Variants in PAWR observed in about 807,000 individuals in gnomAD.
PAWR encodes pro-apoptotic WT1 regulator.
Under a neutral mutation model 32.0 loss-of-function variants are expected in PAWR, and 23 were observed. The ratio of observed to expected loss-of-function variants is 0.72; its 90% CI spans 0.52 to 1.02. The LOEUF (loss-of-function observed/expected upper bound fraction) is 1.02, where lower values mean the gene tolerates loss of function less well. Ranked by LOEUF, PAWR falls within the 50% of genes least tolerant of loss-of-function variation. The pLI is 0.00. For missense variants in PAWR, 457 were observed against 437.7 expected, an observed-to-expected ratio of 1.04 and a Z score of -0.39; for synonymous variants, 226 against 187.1, an observed-to-expected ratio of 1.21 and a Z score of -1.70.
intron 2 of PAWR, among the ~76,000 whole-genome samples, chr12:79,683,250 C>G (rs1307926329): frequency 6.6e-6 from 1 of 152,108 alleles, no homozygotes; most frequent in East Asian, 1.9e-4. Flanking sequence ...GGAAATTAAC[C>G]TATACAGTAA....
chr12:79,652,957 T>C (rs1429662802), intron 2 of PAWR, among the ~76,000 whole-genome samples: 2 of 152,246 alleles, frequency 1.3e-5, no homozygotes, highest in African/African-American at 2.4e-5. Context: ...CAACAAAGTA[T>C]TTGAAATCAC....
intron 2 of PAWR, among the ~76,000 whole-genome samples, chr12:79,655,346 G>A (rs560452448): frequency 6.6e-6 from 1 of 152,192 alleles, no homozygotes; most frequent in Non-Finnish European, 1.5e-5. Context: ...ATGTGTGAAA[G>A]CAGCTCAAAA....
chr12:79,685,635 T>C (rs1303126534), intron 2 of PAWR, among the ~76,000 whole-genome samples: 2 of 152,178 alleles, frequency 1.3e-5, no homozygotes, highest in African/African-American at 4.8e-5. Flanking sequence ...AAAATAAATT[T>C]ACGTTTTGCC....
intron 2 of PAWR, among the ~76,000 whole-genome samples, chr12:79,673,278 C>T (rs574570704): frequency 2.0e-4 from 31 of 151,998 alleles, no homozygotes; most frequent in Non-Finnish European, 2.4e-4. Context: ...ACCGTGTTAG[C>T]CAGGATGGTC....
intron 2 of PAWR, chr12:79,635,422 A>G (rs938581644): frequency 3.3e-5 from 5 of 152,128 alleles, no homozygotes; most frequent in Non-Finnish European, 5.9e-5. Flanking sequence ...TGCTACCCAC[A>G]TTGCAATTTG....
chr12:79,667,299 G>A (rs140922664), intron 2 of PAWR, among the ~76,000 whole-genome samples: 1 of 151,934 alleles, frequency 6.6e-6, no homozygotes, highest in Non-Finnish European at 1.5e-5. Context: ...TTACTCCTTC[G>A]GATGGAAGTA....
rs755937992 is a variant in PAWR at position 79,632,361 on chromosome 12, AT to A, written c.517-11155del. Among the ~76,000 whole-genome samples, 92 of 20,590 alleles carry A rather than the reference AT, an allele frequency of 4.5e-3. 1 individual carries two copies. The highest frequency in any genetic ancestry group is 5.7e-3 in the Non-Finnish European group (74 of 12,946). 13.5% of individuals were successfully genotyped at this position (20,590 alleles called of 152,430 possible). A position where few individuals can be genotyped will look rare whatever the true frequency, so the allele number is the denominator to read the frequency against. On this transcript the variant is annotated intron_variant, in intron 2 of 6. Coordinates refer to ENST00000328827, the MANE Select transcript of PAWR (RefSeq NM_002583.4). Reference sequence around the variant, plus strand: ...TATATATATATATATATATATATATATTTTTTTTTTTTTTTAGACAGGGTCT... The same window carrying A: ...TATATATATATATATATATATATATATTTTTTTTTTTTTTAGACAGGGTCT...
At chr12:79,639,661 A>C (rs1462162550) in intron 2 of PAWR, among the ~76,000 whole-genome samples, 2 of 152,172 alleles carry the variant, frequency 1.3e-5, no homozygotes, top group South Asian at 4.1e-4. Context: ...CATTTTCAAG[A>C]ATTTTTCCTC....
chr12:79,689,599 T>C (rs2136904538), intron 2 of PAWR, 130 bp downstream of exon 2: 1 of 1,035,408 alleles, frequency 9.7e-7, no homozygotes, highest in South Asian at 1.6e-5. Context: ...CCTGCCTGCC[T>C]AACTCGGTGA....
chr12:79,651,752 T>C lies in PAWR; in HGVS notation c.517-30545A>G, dbSNP rs73345518. Among the ~76,000 whole-genome samples the C allele has an allele frequency of 9.5e-3, 1,450 of 152,212 alleles. 34 individuals are homozygous for C. The highest frequency in any genetic ancestry group is 0.033 in the African/African-American group (1,362 of 41,530). ...GTGGGAATTTCGATGCTTAAATTCC[T>C]TGGTCTCTTCTGTAGTAGATGTCTA... On this transcript the variant is annotated intron_variant, in intron 2 of 6. Coordinates refer to ENST00000328827, the MANE Select transcript of PAWR (RefSeq NM_002583.4).
At chr12:79,639,339 TG>T (rs1876167983) in intron 2 of PAWR, among the ~76,000 whole-genome samples, 1 of 152,198 alleles carries the variant, frequency 6.6e-6, no homozygotes, top group South Asian at 2.1e-4. Context: ...AAAATTTTCT[TG>T]GCTTCTCCCA....
At chr12:79,607,750 A>T (rs1455277115) in intron 4 of PAWR, among the ~76,000 whole-genome samples, 7 of 147,766 alleles carry the variant, frequency 4.7e-5, no homozygotes, top group Non-Finnish European at 7.5e-5. Context: ...AAAAAATAAT[A>T]ATAATAATAA....
At chr12:79,630,858 CA>C (rs74262476) in intron 2 of PAWR, among the ~76,000 whole-genome samples, 16,404 of 105,176 alleles carry the variant, frequency 0.16, 2,805 homozygotes, top group African/African-American at 0.44. Flanking sequence ...GTACCAAAAC[CA>C]AAAAAAAAAA....
At chr12:79,625,483 A>G (rs1488806564) in intron 2 of PAWR, among the ~76,000 whole-genome samples, 1 of 152,232 alleles carries the variant, frequency 6.6e-6, no homozygotes, top group East Asian at 1.9e-4. Flanking sequence ...GAAAATTTTA[A>G]AAGTAACAGA....
chr12:79,643,168 G>A (rs8176830), intron 2 of PAWR, among the ~76,000 whole-genome samples: 1,922 of 152,088 alleles, frequency 0.013, 48 homozygotes, highest in African/African-American at 0.043. Flanking sequence ...CAATGTGTGT[G>A]GCATATAGTA....
chr12:79,638,666 T>G (rs894989090), intron 2 of PAWR, among the ~76,000 whole-genome samples: 2 of 151,088 alleles, frequency 1.3e-5, no homozygotes, highest in Admixed American at 1.3e-4. Context: ...ACAACGGCAG[T>G]GGGTTGTATG....
At chr12:79,660,891 T>A (rs1877317641) in intron 2 of PAWR, among the ~76,000 whole-genome samples, 1 of 150,782 alleles carries the variant, frequency 6.6e-6, no homozygotes, top group Admixed American at 6.6e-5. Flanking sequence ...GCCACTGTAT[T>A]TTTTTTTAAA....
At position 79,632,352 on chromosome 12, in the gene PAWR, TA is replaced by T. The variant is rs1566011143; in HGVS notation, c.517-11146del. On this transcript the variant is annotated intron_variant, in intron 2 of 6. Transcript: ENST00000328827. ...ATATATATATATATATATATATATA[TA>T]TATATATATTTTTTTTTTTTTTTAG... Among the ~76,000 whole-genome samples the T allele has an allele frequency of 5.6e-3, 321 of 56,952 alleles. 13 individuals are homozygous for T. Among genetic ancestry groups the T allele is most frequent in the Non-Finnish European group, 6.2e-3 (216 of 34,704 alleles). The allele number at this position is 56,952 out of a possible 152,430, so 37.4% of individuals were successfully genotyped here.
intron 4 of PAWR, among the ~76,000 whole-genome samples, chr12:79,602,748 C>CA (rs1360344983): frequency 1.3e-5 from 2 of 151,468 alleles, no homozygotes; most frequent in East Asian, 3.9e-4. Context: ...GAGCTACAGG[C>CA]ATATGCCACC....
Sources: allele counts gnomAD v4.1 joint callset (sites outside exome capture counted in the v4.1 genomes callset), GRCh38; gene constraint gnomAD v4.1.1; transcripts MANE v1.5; gene names NCBI Gene and HGNC (gene_info 2026-07-23, HGNC 2026-07-21).